TSGA10: variants seen among roughly 807,000 people sequenced by gnomAD.
TSGA10 encodes the protein testis-specific gene 10 protein.
TSGA10 carries 43 observed loss-of-function variants against 96.6 expected under a neutral mutation model. That is an observed-to-expected ratio of 0.44 (90% CI 0.35 to 0.57). TSGA10 has a LOEUF of 0.57. TSGA10 is among the 20% of genes least tolerant of loss of function. TSGA10 has a pLI of 0.01. For synonymous variants in TSGA10, 229 were observed against 269.9 expected, an observed-to-expected ratio of 0.85 and a Z score of 1.48; for missense variants, 703 against 834.4, an observed-to-expected ratio of 0.84 and a Z score of 1.94.
At chr2:99,075,021 C>T (rs1376437061) in intron 12 of TSGA10, among the ~76,000 whole-genome samples, 1 of 151,928 alleles carries the variant, frequency 6.6e-6, no homozygotes, top group East Asian at 1.9e-4. Context: ...AAGGGCTTCA[C>T]TTTATCAATA....
At chr2:99,062,326 T>C (rs1037771571) in intron 16 of TSGA10, among the ~76,000 whole-genome samples, 1 of 152,114 alleles carries the variant, frequency 6.6e-6, no homozygotes, top group Non-Finnish European at 1.5e-5. Flanking sequence ...AAAGAATTAA[T>C]TATCATAAGC....
intron 2 of TSGA10, among the ~76,000 whole-genome samples, chr2:99,119,120 G>A (rs1379277299): frequency 2.6e-5 from 4 of 151,898 alleles, no homozygotes; most frequent in Admixed American, 1.3e-4. Flanking sequence ...TAGAGTTATC[G>A]TCTTCCAAAC....
intron 18 of TSGA10, among the ~76,000 whole-genome samples, chr2:99,019,303 T>C (rs1214524189): frequency 6.6e-6 from 1 of 152,194 alleles, no homozygotes; most frequent in Non-Finnish European, 1.5e-5. Flanking sequence ...TTCTAAGTGT[T>C]AGTATTTACC....
chr2:99,099,907 TA>T (rs1559013283), intron 10 of TSGA10, among the ~76,000 whole-genome samples: 1 of 152,150 alleles, frequency 6.6e-6, no homozygotes, highest in Non-Finnish European at 1.5e-5. Context: ...TATTTTTACA[TA>T]ACAGCCACAA....
At position 99,117,562 on chromosome 2, in the gene TSGA10, C is replaced by T. The variant is rs560863425; in HGVS notation, c.-158G>A. ...CTGGTACCTTGGCTTCTTCAAGTTC[C>T]TTGTTGGCGGAATCCACCACAAAAT... On this transcript the variant is annotated 5_prime_UTR_variant, in exon 4 of 21. Coordinates refer to ENST00000393483, the MANE Select transcript of TSGA10 (RefSeq NM_025244.4). 430 of 985,776 alleles carry T rather than the reference C, an allele frequency of 4.4e-4. 5 individuals carry two copies. In the African/African-American group the frequency reaches 6.9e-3, roughly 16 times the overall value. The allele number at this position is 985,776 out of a possible 1,614,324, so 61.1% of individuals were successfully genotyped here.
Position 98,998,102 on chromosome 2 carries a change from A to G in TSGA10, c.*95T>C. 9.9e-7 allele frequency: 1 copy of G among 1,010,844 alleles called. No homozygotes were observed. Among genetic ancestry groups the G allele is most frequent in the East Asian group, 2.4e-5 (1 of 41,590 alleles). 62.6% of individuals were successfully genotyped at this position (1,010,844 alleles called of 1,614,324 possible). On this transcript the variant is annotated 3_prime_UTR_variant, in exon 21 of 21. Transcript: ENST00000393483. ...TTAATAAATACATTTAACATTGCCA[A>G]GCATTTAAAAGATAAATGCACTCAT...
rs1012398435 is a variant in TSGA10 at position 99,128,995 on chromosome 2, G to A, written c.-620-1819C>T. On this transcript the variant is annotated intron_variant, in intron 1 of 20. Transcript: ENST00000393483. ...ACTCCTGGGCTCAAGAGATCCTCCC[G>A]CCTAGGTCTCCCTGGGATTACAGGC... Among the ~76,000 whole-genome samples the A allele has an allele frequency of 2.6e-5, 4 of 152,108 alleles. No homozygotes were observed. The South Asian group carries it at 6.2e-4, about 24-fold the overall frequency.
At chr2:99,054,056 A>G (rs1339829076) in intron 16 of TSGA10, among the ~76,000 whole-genome samples, 4 of 152,176 alleles carry the variant, frequency 2.6e-5, no homozygotes, top group Non-Finnish European at 4.4e-5. Flanking sequence ...ACCACAATAC[A>G]CCCTTTAGAC....
At chr2:99,146,493 A>AC (rs11439987) in intron 1 of TSGA10, among the ~76,000 whole-genome samples, 147,962 of 152,226 alleles carry the variant, frequency 0.97, 71,976 homozygotes, top group Middle Eastern at 1. Flanking sequence ...AATCAAACTC[A>AC]CTGTTTTCCT....
chr2:99,142,223 CCTT>C (rs1360007351), intron 1 of TSGA10: 1 of 152,160 alleles, frequency 6.6e-6, no homozygotes, highest in Non-Finnish European at 1.5e-5. Context: ...CTACCATGTC[CCTT>C]CTTAAATAAC....
At chr2:99,039,942 T>A (rs969429839) in intron 16 of TSGA10, among the ~76,000 whole-genome samples, 3 of 152,108 alleles carry the variant, frequency 2.0e-5, no homozygotes, top group African/African-American at 7.2e-5. Flanking sequence ...GGGTTTCATA[T>A]CAGGGATGCA....
intron 18 of TSGA10, 133 bp downstream of exon 18, chr2:99,020,147 A>G (rs2079877053): frequency 3.0e-6 from 2 of 676,458 alleles, no homozygotes; most frequent in Non-Finnish European, 5.0e-6. Context: ...ACCACCTCTT[A>G]GGCAAATCAC....
At chr2:99,150,971 C>T in intron 1 of TSGA10, 1 of 552,094 alleles carries the variant, frequency 1.8e-6, no homozygotes, top group East Asian at 3.0e-5. Context: ...ATTTGTGAAT[C>T]ATCTTACACT....
chr2:99,137,597 C>T (rs2093377606), intron 1 of TSGA10, among the ~76,000 whole-genome samples: 1 of 151,778 alleles, frequency 6.6e-6, no homozygotes, highest in African/African-American at 2.4e-5. Context: ...TCTCCCCTCC[C>T]ACAGGATCTC....
chr2:99,064,042 G>C (rs1317380076), intron 16 of TSGA10, among the ~76,000 whole-genome samples: 3 of 152,108 alleles, frequency 2.0e-5, no homozygotes, highest in Non-Finnish European at 4.4e-5. Flanking sequence ...AATAACTCAG[G>C]ATTTCTTATG....
chr2:99,118,513 C>A, intron 3 of TSGA10, 38 bp downstream of exon 3: 13 of 851,798 alleles, frequency 1.5e-5, no homozygotes, highest in African/African-American at 1.9e-5. Flanking sequence ...GTATTATTAA[C>A]TTTTTAAAAA....
At chr2:99,129,933 C>T (rs2093000000) in intron 1 of TSGA10, among the ~76,000 whole-genome samples, 1 of 152,006 alleles carries the variant, frequency 6.6e-6, no homozygotes, top group Admixed American at 6.6e-5. Context: ...TGATGGTTTC[C>T]AGCTTCATCC....
chr2:99,113,148 C>T (rs570852177), intron 4 of TSGA10, among the ~76,000 whole-genome samples: 6 of 152,090 alleles, frequency 3.9e-5, no homozygotes, highest in South Asian at 2.1e-4. Flanking sequence ...AGAGAATAAA[C>T]GAAGGCATAT....
Position 99,136,692 on chromosome 2 carries a change from G to A in TSGA10, c.-620-9516C>T, listed in dbSNP as rs1413487696. On this transcript the variant is annotated intron_variant, in intron 1 of 20. Transcript: ENST00000393483. ...CGGGCGCCTGTAGTCCCAGCTACTC[G>A]GGAGGCTGAGGCAGGAGAATGGCGT... 4.3e-3 allele frequency among the ~76,000 whole-genome samples: 274 copies of A among 63,442 alleles called. 77 individuals carry two copies. The highest frequency in any genetic ancestry group is 0.013 in the Admixed American group (72 of 5,678). The allele number at this position is 63,442 out of a possible 152,430, so 41.6% of individuals were successfully genotyped here. A position where few individuals can be genotyped will look rare whatever the true frequency, so the allele number is the denominator to read the frequency against.
Sources: allele counts gnomAD v4.1 joint callset (sites outside exome capture counted in the v4.1 genomes callset), GRCh38; gene constraint gnomAD v4.1.1; transcripts MANE v1.5; gene names NCBI Gene and HGNC (gene_info 2026-07-23, HGNC 2026-07-21).